Variants in ARHGEF28 observed in about 807,000 individuals in gnomAD.
The protein encoded by ARHGEF28 is 190 kDa guanine nucleotide exchange factor.
A neutral mutation model predicts 206.6 loss-of-function variants in ARHGEF28; 152 were observed. That is an observed-to-expected ratio of 0.74 (90% confidence interval 0.64 to 0.84). The LOEUF (loss-of-function observed/expected upper bound fraction) is 0.84. Ranked by LOEUF, ARHGEF28 falls within the 40% of genes least tolerant of loss-of-function variation. The pLI is 0.00. For synonymous variants in ARHGEF28, 763 were observed against 776.4 expected (o/e 0.98, Z 0.29); for missense variants, 2,028 against 2,073.2 (o/e 0.98, Z 0.42).
intron 9 of ARHGEF28, among the ~76,000 whole-genome samples, chr5:73,820,583 C>T (rs989140724): frequency 2.6e-5 from 4 of 152,128 alleles, no homozygotes; most frequent in African/African-American, 9.7e-5. Context: ...TGGTGATTCT[C>T]CTTCTGGCTT....
At chr5:73,724,232 TA>T (rs1388303975) in intron 2 of ARHGEF28, among the ~76,000 whole-genome samples, 1 of 152,202 alleles carries the variant, frequency 6.6e-6, no homozygotes, top group African/African-American at 2.4e-5. Flanking sequence ...AATTCTCTAT[TA>T]AAAATTAAGA....
chr5:73,660,461 G>A (rs1745521598), intron 1 of ARHGEF28, among the ~76,000 whole-genome samples: 1 of 152,122 alleles, frequency 6.6e-6, no homozygotes. Flanking sequence ...TCCTGTTAAT[G>A]TTGCTATCTT....
intron 2 of ARHGEF28, among the ~76,000 whole-genome samples, chr5:73,718,572 A>G (rs951068187): frequency 1.3e-5 from 2 of 152,092 alleles, no homozygotes; most frequent in African/African-American, 4.8e-5. Context: ...GTCTGCAGGC[A>G]TAGACGGTAC....
chr5:73,632,993 C>A (rs1743463199), intron 1 of ARHGEF28, among the ~76,000 whole-genome samples: 1 of 151,794 alleles, frequency 6.6e-6, no homozygotes, highest in South Asian at 2.1e-4. Context: ...TGTTTTCCTG[C>A]AACTAGATGG....
At chr5:73,732,991 A>T (rs35769808) in intron 2 of ARHGEF28, among the ~76,000 whole-genome samples, 15,336 of 152,186 alleles carry the variant, frequency 0.1, 1,240 homozygotes, top group African/African-American at 0.22. Context: ...TTAGCTTTTT[A>T]AAAATTTTTT....
At chr5:73,723,268 A>G (rs1750068790) in intron 2 of ARHGEF28, among the ~76,000 whole-genome samples, 1 of 152,102 alleles carries the variant, frequency 6.6e-6, no homozygotes, top group African/African-American at 2.4e-5. Flanking sequence ...GGCTCGCTGC[A>G]ACCTCTGCCT....
intron 2 of ARHGEF28, among the ~76,000 whole-genome samples, chr5:73,721,943 T>C (rs769024433): frequency 2.0e-5 from 3 of 152,224 alleles, no homozygotes; most frequent in Non-Finnish European, 4.4e-5. Context: ...AGCAGTTTTG[T>C]CATGAGCTCA....
chr5:73,673,371 A>G (rs74628490), intron 1 of ARHGEF28, among the ~76,000 whole-genome samples: 3,139 of 152,312 alleles, frequency 0.021, 115 homozygotes, highest in African/African-American at 0.071. Flanking sequence ...AATTACCTCA[A>G]TAGTTGTTGC....
rs1243726078 is a variant in ARHGEF28, at chr5:73,754,997, G to C, written c.475+1795G>C. 2.0e-5 allele frequency among the ~76,000 whole-genome samples: 3 copies of C among 151,658 alleles called. No individual in the cohort carries two copies. In the East Asian group the frequency reaches 5.8e-4, roughly 29 times the overall value. On this transcript the variant is annotated intron_variant, in intron 4 of 35. Coordinates refer to ENST00000513042, the MANE Select transcript of ARHGEF28 (RefSeq NM_001177693.2). ...GCCTCCCACCTCAGCCTCCCCAGTA[G>C]CTGGGATTATAGGCACCTGGCTCAA...
At chr5:73,672,805 T>C (rs1580466105) in intron 1 of ARHGEF28, among the ~76,000 whole-genome samples, 1 of 152,230 alleles carries the variant, frequency 6.6e-6, no homozygotes, top group African/African-American at 2.4e-5. Flanking sequence ...TGTGCAAATA[T>C]ATCCTGCGAA....
chr5:73,857,563 G>A, intron 14 of ARHGEF28, 93 bp from the exon 15 acceptor site: 2 of 1,064,088 alleles, frequency 1.9e-6, no homozygotes, highest in Non-Finnish European at 2.6e-6. Flanking sequence ...ACATATATGT[G>A]TACACACACA....
At chr5:73,731,132 A>G (rs796736693) in intron 2 of ARHGEF28, among the ~76,000 whole-genome samples, 6 of 152,256 alleles carry the variant, frequency 3.9e-5, no homozygotes, top group South Asian at 2.1e-4. Context: ...TGGGACTTCA[A>G]TGGGAATGCG....
chr5:73,891,551 T>G (rs1300033258), intron 26 of ARHGEF28, among the ~76,000 whole-genome samples: 1 of 151,874 alleles, frequency 6.6e-6, no homozygotes, highest in Non-Finnish European at 1.5e-5. Context: ...TTTTTTTTTC[T>G]TTTTTTGAGA....
chr5:73,627,869 GTGTT>G (rs1488242014), intron 1 of ARHGEF28, among the ~76,000 whole-genome samples: 3 of 152,088 alleles, frequency 2.0e-5, no homozygotes, highest in Non-Finnish European at 4.4e-5. Flanking sequence ...CAGAGAATCA[GTGTT>G]TGTCCTGCTT....
At chr5:73,881,867 C>T (rs1449610964) in intron 22 of ARHGEF28, among the ~76,000 whole-genome samples, 1 of 152,224 alleles carries the variant, frequency 6.6e-6, no homozygotes, top group Admixed American at 6.5e-5. Context: ...TACTTTTCTT[C>T]ATTAGCTAAT....
chr5:73,828,158 G>A (rs1757027937), intron 9 of ARHGEF28: 1 of 152,146 alleles, frequency 6.6e-6, no homozygotes, highest in Non-Finnish European at 1.5e-5. Flanking sequence ...CGTAGCTGAT[G>A]TTTACTTGAA....
At chr5:73,632,254 C>T (rs1743417834) in intron 1 of ARHGEF28, among the ~76,000 whole-genome samples, 1 of 152,182 alleles carries the variant, frequency 6.6e-6, no homozygotes, top group South Asian at 2.1e-4. Flanking sequence ...GACAGTTAGT[C>T]CTTCCCAGAT....
chr5:73,801,453 T>A (rs192598229), intron 9 of ARHGEF28, among the ~76,000 whole-genome samples: 3,734 of 150,848 alleles, frequency 0.025, 152 homozygotes, highest in African/African-American at 0.086. Flanking sequence ...TCTCAAAAAA[T>A]AAAAAAAATA....
In ARHGEF28 at chr5:73,845,011, ATT is replaced by A. The variant is rs70973277; in HGVS notation, c.1428-1234_1428-1233del. On this transcript the variant is annotated intron_variant, in intron 11 of 35. Coordinates refer to ENST00000513042, the MANE Select transcript of ARHGEF28 (RefSeq NM_001177693.2). ...CTAAGGTAGAGTTTTCAAAGGAATCATTTTTTTTTTTTTTTTTTTTTTTTGAG... is the reference window on the plus strand; with the variant it reads ...CTAAGGTAGAGTTTTCAAAGGAATCATTTTTTTTTTTTTTTTTTTTTTGAG... Among the ~76,000 whole-genome samples the A allele has an allele frequency of 8.1e-3, 806 of 99,310 alleles. 3 individuals are homozygous for A. Among genetic ancestry groups the A allele is most frequent in the African/African-American group, 0.027 (672 of 24,824 alleles). The allele number at this position is 99,310 out of a possible 152,430, so 65.2% of individuals were successfully genotyped here.
Sources: allele counts gnomAD v4.1 joint callset (sites outside exome capture counted in the v4.1 genomes callset), GRCh38; gene constraint gnomAD v4.1.1; transcripts MANE v1.5; gene names NCBI Gene and HGNC (gene_info 2026-07-23, HGNC 2026-07-21).